PLD5: variants seen among roughly 807,000 people sequenced by gnomAD.
PLD5 encodes inactive phospholipase D5.
A neutral mutation model predicts 61.1 loss-of-function variants in PLD5; 36 were observed. The observed-to-expected ratio is 0.59, with a 90% CI of 0.45 to 0.78. The LOEUF is 0.78. Among genes scored for constraint, PLD5 ranks in the 30% least tolerant of loss-of-function variants. The probability of loss-of-function intolerance (pLI) is 0.00; values close to 1 mark genes in which losing one functional copy is unlikely to be tolerated. For synonymous variants in PLD5, 243 were observed against 242.8 expected (o/e 1.00, Z -0.01); for missense variants, 515 against 644.4 (o/e 0.80, Z 2.17).
At chr1:242,402,406 A>G (rs536321497) in intron 1 of PLD5, among the ~76,000 whole-genome samples, 36 of 152,316 alleles carry the variant, frequency 2.4e-4, no homozygotes, top group African/African-American at 8.4e-4. Context: ...AAAAATAAAG[A>G]GTTATAAGGA....
chr1:242,361,083 A>G (rs1571975273), intron 1 of PLD5, among the ~76,000 whole-genome samples: 1 of 152,264 alleles, frequency 6.6e-6, no homozygotes, highest in Non-Finnish European at 1.5e-5. Flanking sequence ...GTAATAAATA[A>G]CAATAAATAA....
intron 6 of PLD5, among the ~76,000 whole-genome samples, chr1:242,122,608 A>G (rs1662470574): frequency 6.6e-6 from 1 of 152,116 alleles, no homozygotes; most frequent in South Asian, 2.1e-4. Context: ...TGAATTGAAA[A>G]TGTCTATATA....
Position 242,421,825 on chromosome 1 carries a change from T to A in PLD5, c.190-73583A>T, listed in dbSNP as rs142260584. ...TAAATATATTAAAGGAGCTCAACTT[T>A]AAAGAAAGAAAAATCTGATGAAATG... On this transcript the variant is annotated intron_variant, in intron 1 of 9. Transcript: ENST00000536534. 1.1e-3 allele frequency among the ~76,000 whole-genome samples: 169 copies of A among 152,320 alleles called. 3 individuals carry two copies. Among genetic ancestry groups the A allele is most frequent in the African/African-American group, 3.2e-3 (131 of 41,576 alleles).
intron 4 of PLD5, among the ~76,000 whole-genome samples, chr1:242,226,353 T>A (rs1412266891): frequency 6.6e-6 from 1 of 152,130 alleles, no homozygotes; most frequent in Admixed American, 6.5e-5. Context: ...TGGTGATGAG[T>A]CCAGATCTCT....
At chr1:242,486,951 T>A (rs1667984207) in intron 1 of PLD5, among the ~76,000 whole-genome samples, 1 of 152,088 alleles carries the variant, frequency 6.6e-6, no homozygotes, top group African/African-American at 2.4e-5. Context: ...CTCAGCAAAC[T>A]ATCACAAGGA....
At chr1:242,478,748 C>G (rs942221705) in intron 1 of PLD5, among the ~76,000 whole-genome samples, 1 of 152,018 alleles carries the variant, frequency 6.6e-6, no homozygotes, top group Non-Finnish European at 1.5e-5. Flanking sequence ...TTCTCCTCCT[C>G]GAGAAACCCA....
At chr1:242,342,982 A>G (rs1171707655) in intron 2 of PLD5, among the ~76,000 whole-genome samples, 1 of 152,198 alleles carries the variant, frequency 6.6e-6, no homozygotes, top group Admixed American at 6.5e-5. Flanking sequence ...TTTATAGGAG[A>G]CATACTTTTT....
At chr1:242,388,588 T>A (rs1470151277) in intron 1 of PLD5, among the ~76,000 whole-genome samples, 1 of 152,140 alleles carries the variant, frequency 6.6e-6, no homozygotes, top group Non-Finnish European at 1.5e-5. Context: ...AGGGGAAATA[T>A]ACACAGAATG....
At chr1:242,413,588 C>G (rs564497394) in intron 1 of PLD5, among the ~76,000 whole-genome samples, 5 of 152,286 alleles carry the variant, frequency 3.3e-5, no homozygotes, top group South Asian at 4.1e-4. Flanking sequence ...GACTTCCAGT[C>G]AAGTGAAGGA....
intron 5 of PLD5, among the ~76,000 whole-genome samples, chr1:242,165,025 G>A (rs1666197715): frequency 6.6e-6 from 1 of 152,026 alleles, no homozygotes; most frequent in Non-Finnish European, 1.5e-5. Flanking sequence ...TTTCCCTAAG[G>A]TGGAATAAAA....
In PLD5 at chr1:242,085,419, G is replaced by T. The variant is rs1305195523; in HGVS notation, c.*4435C>A. ...CATCTTCATAATTCAGCCAAAGATG[G>T]GAATTCTCTCAAATGAGAAAGACAG... On this transcript the variant is annotated 3_prime_UTR_variant, in exon 10 of 10. Transcript: ENST00000536534. 3 of 152,144 alleles carry T rather than the reference G, an allele frequency of 2.0e-5. No homozygotes were observed. Among genetic ancestry groups the T allele is most frequent in the Non-Finnish European group, 4.4e-5 (3 of 68,022 alleles). 9.4% of individuals were successfully genotyped at this position (152,144 alleles called of 1,614,324 possible).
At chr1:242,283,893 G>A (rs1336548745) in intron 3 of PLD5, among the ~76,000 whole-genome samples, 2 of 151,986 alleles carry the variant, frequency 1.3e-5, no homozygotes, top group Non-Finnish European at 2.9e-5. Flanking sequence ...GTAGCTTTCA[G>A]TTAGTGCCTT....
At chr1:242,245,018 T>C (rs1672275968) in intron 4 of PLD5, among the ~76,000 whole-genome samples, 1 of 152,210 alleles carries the variant, frequency 6.6e-6, no homozygotes, top group South Asian at 2.1e-4. Context: ...ACTCAGCTTA[T>C]GAGTAAGTTT....
intron 2 of PLD5, among the ~76,000 whole-genome samples, chr1:242,325,103 G>A (rs73142767): frequency 0.026 from 3,903 of 152,172 alleles, 157 homozygotes; most frequent in African/African-American, 0.089. Flanking sequence ...GGTAGGAGGC[G>A]AGAAGAACCC....
intron 5 of PLD5, chr1:242,177,825 G>A (rs1367549996): frequency 6.6e-6 from 1 of 152,206 alleles, no homozygotes; most frequent in Non-Finnish European, 1.5e-5. Context: ...GAGCCCAAAA[G>A]TGCACGGGCA....
chr1:242,084,063 A>G lies in PLD5; in HGVS notation c.*5791T>C, dbSNP rs1055380892. The G allele has an allele frequency of 6.6e-6, 1 of 152,148 alleles. No individual in the cohort carries two copies. The highest frequency in any genetic ancestry group is 6.5e-5 in the Admixed American group (1 of 15,274). 9.4% of individuals were successfully genotyped at this position (152,148 alleles called of 1,614,324 possible). On this transcript the variant is annotated 3_prime_UTR_variant, in exon 10 of 10. Transcript: ENST00000536534. Reference sequence around the variant, plus strand: ...CCAGATATCCACTTCATAAAAAGAGATCTTTTCTCCTTACTAATTTATCTC... The same window carrying G: ...CCAGATATCCACTTCATAAAAAGAGGTCTTTTCTCCTTACTAATTTATCTC...
intron 1 of PLD5, among the ~76,000 whole-genome samples, chr1:242,444,764 A>T (rs1666451762): frequency 2.3e-5 from 2 of 85,820 alleles, no homozygotes; most frequent in South Asian, 6.2e-4. Context: ...TATATAATAT[A>T]TATTTCTCCT....
At chr1:242,509,876 A>G (rs950614320) in intron 1 of PLD5, among the ~76,000 whole-genome samples, 20 of 152,288 alleles carry the variant, frequency 1.3e-4, no homozygotes, top group African/African-American at 4.8e-4. Context: ...AGTGTGGAGA[A>G]AAAGCATCTT....
chr1:242,094,866 T>G (rs546505174), intron 9 of PLD5, among the ~76,000 whole-genome samples: 85 of 152,288 alleles, frequency 5.6e-4, no homozygotes, highest in African/African-American at 1.9e-3. Context: ...CTACCATTTT[T>G]CAGCTTGTAA....
Sources: gnomAD v4.1 joint callset for allele counts (sites outside exome capture counted in the v4.1 genomes callset) on GRCh38, gnomAD v4.1.1 for gene constraint, MANE v1.5 for transcripts, NCBI Gene and HGNC (gene_info 2026-07-23, HGNC 2026-07-21) for gene names.